Variants in ARHGAP26 observed in about 807,000 individuals in gnomAD.
ARHGAP26 encodes Rho GTPase activating protein 26.
Under a neutral mutation model 104.8 loss-of-function variants are expected in ARHGAP26, and 38 were observed. The observed-to-expected ratio is 0.36, with a 90% CI of 0.28 to 0.48. The LOEUF (loss-of-function observed/expected upper bound fraction) is 0.48. ARHGAP26 is among the 20% of genes least tolerant of loss of function. The pLI, the probability that ARHGAP26 is intolerant of heterozygous loss-of-function variation, is 0.99. For missense variants in ARHGAP26, 704 were observed against 947.9 expected (o/e 0.74, Z 3.38); for synonymous variants, 341 against 340.0 (o/e 1.00, Z -0.03).
chr5:142,841,429 A>G (rs1770778687), intron 1 of ARHGAP26, among the ~76,000 whole-genome samples: 1 of 152,172 alleles, frequency 6.6e-6, no homozygotes, highest in Non-Finnish European at 1.5e-5. Flanking sequence ...TTTACGGTGT[A>G]ATTAAGGAAA....
chr5:142,895,839 A>T (rs1759405149), intron 6 of ARHGAP26, among the ~76,000 whole-genome samples: 1 of 152,192 alleles, frequency 6.6e-6, no homozygotes, highest in Non-Finnish European at 1.5e-5. Flanking sequence ...AAAAACAAAA[A>T]AAGATTACAA....
intron 14 of ARHGAP26, among the ~76,000 whole-genome samples, chr5:143,050,351 T>C (rs1203780523): frequency 1.2e-4 from 18 of 151,578 alleles, no homozygotes; most frequent in Admixed American, 3.9e-4. Context: ...TCTTCTTCTT[T>C]TTTTTTTTTT....
chr5:142,774,024 G>A lies in ARHGAP26; in HGVS notation c.154+3109G>A, dbSNP rs116711193. On this transcript the variant is annotated intron_variant, in intron 1 of 22. Coordinates refer to ENST00000645722, the MANE Select transcript of ARHGAP26 (RefSeq NM_001135608.3). ...TGGCATAAACTCTCAAAGGATGTTCGATGCCAACCTGCTTTGTTTAGGAGT... is the reference window on the plus strand; with the variant it reads ...TGGCATAAACTCTCAAAGGATGTTCAATGCCAACCTGCTTTGTTTAGGAGT... 3.7e-3 allele frequency among the ~76,000 whole-genome samples: 561 copies of A among 152,276 alleles called. 5 individuals are homozygous for A. The highest frequency in any genetic ancestry group is 0.014 in the Middle Eastern group (4 of 294).
chr5:143,176,407 G>T (rs1803479916), intron 20 of ARHGAP26, among the ~76,000 whole-genome samples: 1 of 152,152 alleles, frequency 6.6e-6, no homozygotes, highest in African/African-American at 2.4e-5. Context: ...GAATTTACCT[G>T]CAGGCTTGGC....
At chr5:143,085,065 A>AAAAAAG (rs1790371139) in intron 17 of ARHGAP26, among the ~76,000 whole-genome samples, 1 of 151,406 alleles carries the variant, frequency 6.6e-6, no homozygotes, top group Non-Finnish European at 1.5e-5. Flanking sequence ...AAAAAAAAAA[A>AAAAAAG]AAGAAACGCT....
At chr5:143,064,864 C>G (rs1394900940) in intron 17 of ARHGAP26, among the ~76,000 whole-genome samples, 3 of 152,180 alleles carry the variant, frequency 2.0e-5, no homozygotes, top group African/African-American at 7.2e-5. Flanking sequence ...CTAAATCTTT[C>G]ACATCACATG....
chr5:142,831,024 G>C (rs945961996), intron 1 of ARHGAP26, among the ~76,000 whole-genome samples: 2 of 152,176 alleles, frequency 1.3e-5, no homozygotes, highest in African/African-American at 4.8e-5. Flanking sequence ...CACCTACCCT[G>C]TAGGAGTGTT....
chr5:143,108,948 G>T (rs896669404), intron 17 of ARHGAP26, among the ~76,000 whole-genome samples: 2 of 152,232 alleles, frequency 1.3e-5, no homozygotes, highest in Admixed American at 6.5e-5. Flanking sequence ...TAAGCCACAT[G>T]GCTAAGGGCC....
intron 11 of ARHGAP26, among the ~76,000 whole-genome samples, chr5:142,948,574 A>C (rs1452719122): frequency 1.3e-5 from 2 of 151,756 alleles, no homozygotes; most frequent in Non-Finnish European, 2.9e-5. Flanking sequence ...ATGCTGAAGA[A>C]GCTACTTATT....
At chr5:143,207,555 G>C in intron 21 of ARHGAP26, 1 of 1,527,702 alleles carries the variant, frequency 6.5e-7, no homozygotes. Context: ...CTGCTCTCCT[G>C]TGGTTCCATC....
chr5:143,147,153 A>G lies in ARHGAP26; in HGVS notation c.1838-78A>G, dbSNP rs531853727. ...AGATCTTGATCCAGTCTTATTCTTT[A>G]TACATTTTTGTGCATGTAGCAATAG... is the stretch of plus-strand genomic sequence containing the variant. On this transcript the variant is annotated intron_variant, in intron 19 of 22. Transcript: ENST00000645722. 13 of 1,467,196 alleles carry G rather than the reference A, an allele frequency of 8.9e-6. No homozygotes were observed. In the East Asian group the frequency reaches 2.8e-4, roughly 31 times the overall value. 90.9% of individuals were successfully genotyped at this position (1,467,196 alleles called of 1,614,324 possible). A position where few individuals can be genotyped will look rare whatever the true frequency, so the allele number is the denominator to read the frequency against.
intron 17 of ARHGAP26, among the ~76,000 whole-genome samples, chr5:143,114,046 G>A (rs980668656): frequency 6.6e-6 from 1 of 152,172 alleles, no homozygotes; most frequent in Non-Finnish European, 1.5e-5. Context: ...TTGTAAAGTG[G>A]TAGTGACAGT....
intron 1 of ARHGAP26, among the ~76,000 whole-genome samples, chr5:142,844,078 G>T (rs962638561): frequency 1.4e-5 from 2 of 143,840 alleles, no homozygotes; most frequent in Non-Finnish European, 1.5e-5. Context: ...TTGAGACAGA[G>T]TCTTGCTCTA....
chr5:143,030,661 T>A (rs558522315), intron 12 of ARHGAP26, among the ~76,000 whole-genome samples: 101 of 152,286 alleles, frequency 6.6e-4, no homozygotes, highest in African/African-American at 2.4e-3. Context: ...TCTCAGAGGG[T>A]TTATATCAGT....
At chr5:142,894,028 T>A (rs924312287) in intron 5 of ARHGAP26, among the ~76,000 whole-genome samples, 1 of 152,058 alleles carries the variant, frequency 6.6e-6, no homozygotes, top group African/African-American at 2.4e-5. Flanking sequence ...TTTTTTGTTT[T>A]AAAAAAATAT....
chr5:142,972,359 T>C (rs768266212), intron 11 of ARHGAP26, among the ~76,000 whole-genome samples: 1 of 152,118 alleles, frequency 6.6e-6, no homozygotes, highest in Non-Finnish European at 1.5e-5. Flanking sequence ...CTGCACATTT[T>C]CTTCTAATAT....
In ARHGAP26 at chr5:142,913,288, A is replaced by G. The variant is rs756574246; in HGVS notation, c.1023A>G (p.Val341=). ...GGTTTTGCTTTGATGTGGAAGCAGT[A>G]GACAGGTGAGTAGCTAGCATGCTTT... ...EKRFCFDVEA[V]DRPGVITMQA... Residue 341 remains valine, a synonymous_variant, in exon 10 of 23, where the codon GTA becomes GTG. Coordinates refer to ENST00000645722, the MANE Select transcript of ARHGAP26 (RefSeq NM_001135608.3). 10 of 1,613,952 alleles carry G rather than the reference A, an allele frequency of 6.2e-6. No homozygotes were observed. Among genetic ancestry groups the G allele is most frequent in the Non-Finnish European group, 8.5e-6 (10 of 1,179,792 alleles).
chr5:143,018,434 T>C (rs1779881622), intron 12 of ARHGAP26, among the ~76,000 whole-genome samples: 1 of 152,244 alleles, frequency 6.6e-6, no homozygotes, highest in South Asian at 2.1e-4. Flanking sequence ...GTCACAAAGA[T>C]GTGTACCTAT....
At position 143,005,732 on chromosome 5, in the gene ARHGAP26, A is replaced by C. The variant is rs56883765; in HGVS notation, c.1108-8348A>C. 5.8e-4 allele frequency among the ~76,000 whole-genome samples: 89 copies of C among 152,360 alleles called. 1 individual carries two copies. Among genetic ancestry groups the C allele is most frequent in the African/African-American group, 2.0e-3 (83 of 41,588 alleles). On this transcript the variant is annotated intron_variant, in intron 11 of 22. Transcript: ENST00000645722. ...AATGGAAAAGAAAGTTTATTTTTCT[A>C]TTCATCATCATTGTTGTAATCATGT...
Sources: allele counts gnomAD v4.1 joint callset (sites outside exome capture counted in the v4.1 genomes callset), GRCh38; gene constraint gnomAD v4.1.1; transcripts MANE v1.5; gene names NCBI Gene and HGNC (gene_info 2026-07-23, HGNC 2026-07-21).